Variants in CPQ observed in about 807,000 individuals in gnomAD.
CPQ encodes the protein Ser-Met dipeptidase.
Under a neutral mutation model 45.7 loss-of-function variants are expected in CPQ, and 37 were observed. The ratio of observed to expected loss-of-function variants is 0.81; its 90% CI spans 0.62 to 1.07. CPQ has a LOEUF of 1.07. Among genes scored for constraint, CPQ ranks in the 50% least tolerant of loss-of-function variants. The probability of loss-of-function intolerance (pLI) is 0.00; values close to 1 mark genes in which losing one functional copy is unlikely to be tolerated. For synonymous variants in CPQ, 186 were observed against 205.8 expected (o/e 0.90, Z 0.82); for missense variants, 537 against 572.9 (o/e 0.94, Z 0.64).
chr8:96,799,290 A>G (rs984697237), intron 2 of CPQ, among the ~76,000 whole-genome samples: 2 of 152,242 alleles, frequency 1.3e-5, no homozygotes, highest in African/African-American at 4.8e-5. Context: ...GCCTTCCTGC[A>G]TACTTCAAGC....
intron 7 of CPQ, among the ~76,000 whole-genome samples, chr8:97,134,749 A>G (rs969740596): frequency 1.3e-5 from 2 of 152,144 alleles, no homozygotes; most frequent in Admixed American, 6.5e-5. Context: ...TTTGAATTCT[A>G]TTTCTACCAC....
At chr8:96,948,626 G>A (rs1813219854) in intron 4 of CPQ, among the ~76,000 whole-genome samples, 1 of 152,050 alleles carries the variant, frequency 6.6e-6, no homozygotes, top group Non-Finnish European at 1.5e-5. Flanking sequence ...CCACTGCTGG[G>A]TGAAATGCTC....
intron 1 of CPQ, among the ~76,000 whole-genome samples, chr8:96,742,615 G>T (rs1213343789): frequency 2.6e-5 from 4 of 151,916 alleles, no homozygotes; most frequent in Non-Finnish European, 5.9e-5. Context: ...GGCTGGTACC[G>T]GTTGTTCCTT....
intron 5 of CPQ, among the ~76,000 whole-genome samples, chr8:96,995,479 T>C (rs914513778): frequency 4.6e-5 from 7 of 151,924 alleles, no homozygotes; most frequent in African/African-American, 7.2e-5. Flanking sequence ...AATGGATTGC[T>C]AGAAGAGTAA....
chr8:97,053,652 C>A (rs1810401932), intron 6 of CPQ, among the ~76,000 whole-genome samples: 1 of 152,176 alleles, frequency 6.6e-6, no homozygotes, highest in South Asian at 2.1e-4. Context: ...CAGAGTCAAG[C>A]CCCATGGGCC....
At chr8:96,964,112 G>T (rs1359994152) in intron 4 of CPQ, among the ~76,000 whole-genome samples, 2 of 146,466 alleles carry the variant, frequency 1.4e-5, no homozygotes, top group Non-Finnish European at 3.0e-5. Flanking sequence ...TTTTAGAAGG[G>T]TTAGGCCTAT....
intron 4 of CPQ, among the ~76,000 whole-genome samples, chr8:96,959,117 C>G (rs1283335065): frequency 6.6e-6 from 1 of 152,120 alleles, no homozygotes; most frequent in Non-Finnish European, 1.5e-5. Flanking sequence ...ATTCAGCAAC[C>G]ACCCTCTGAA....
chr8:96,691,424 CA>C (rs1159424254), intron 1 of CPQ, among the ~76,000 whole-genome samples: 8 of 152,082 alleles, frequency 5.3e-5, no homozygotes, highest in African/African-American at 1.9e-4. Context: ...TTATACTCAT[CA>C]AAAGTACTAG....
intron 4 of CPQ, among the ~76,000 whole-genome samples, chr8:96,952,557 A>T (rs946762708): frequency 1.3e-5 from 2 of 152,106 alleles, no homozygotes; most frequent in Non-Finnish European, 2.9e-5. Context: ...ACATCTCCAA[A>T]ATCTAGTGGA....
intron 1 of CPQ, among the ~76,000 whole-genome samples, chr8:96,662,797 G>A (rs1347477844): frequency 6.6e-6 from 1 of 152,070 alleles, no homozygotes; most frequent in Non-Finnish European, 1.5e-5. Flanking sequence ...ACACTAACCT[G>A]GGCAACATGG....
chr8:97,054,527 T>G (rs1563567462), intron 6 of CPQ, among the ~76,000 whole-genome samples: 1 of 152,172 alleles, frequency 6.6e-6, no homozygotes, highest in Non-Finnish European at 1.5e-5. Flanking sequence ...AACCTAACTG[T>G]CCATCAATAG....
intron 7 of CPQ, among the ~76,000 whole-genome samples, chr8:97,085,244 C>T (rs781163709): frequency 2.8e-4 from 43 of 151,938 alleles, no homozygotes; most frequent in Non-Finnish European, 3.7e-4. Flanking sequence ...ATTAGCCAGG[C>T]GCAGTGGTGC....
At chr8:96,946,238 A>G (rs1372787721) in intron 4 of CPQ, among the ~76,000 whole-genome samples, 1 of 152,000 alleles carries the variant, frequency 6.6e-6, no homozygotes, top group Non-Finnish European at 1.5e-5. Context: ...ATTCCATAGG[A>G]CTTCTAAAAC....
At chr8:96,941,969 G>T (rs1813128245) in intron 4 of CPQ, among the ~76,000 whole-genome samples, 1 of 152,242 alleles carries the variant, frequency 6.6e-6, no homozygotes, top group Admixed American at 6.5e-5. Context: ...AAGGTGTTTA[G>T]CCATTCAAGC....
chr8:97,010,517 G>A (rs755322079), intron 5 of CPQ, among the ~76,000 whole-genome samples: 4 of 152,094 alleles, frequency 2.6e-5, no homozygotes, highest in African/African-American at 4.8e-5. Context: ...TTAGCACAGC[G>A]TCTGGCATAG....
chr8:97,005,465 G>A (rs1809366347), intron 5 of CPQ, among the ~76,000 whole-genome samples: 1 of 151,954 alleles, frequency 6.6e-6, no homozygotes, highest in Admixed American at 6.5e-5. Flanking sequence ...ACTTTGGGAG[G>A]CTGAGGTGGG....
In CPQ at chr8:96,890,874, C is replaced by T. The variant is rs561669655; in HGVS notation, c.849+10869C>T. On this transcript the variant is annotated intron_variant, in intron 4 of 7. Transcript: ENST00000220763. ...TGGTGAGTGATGCCACTTCCATTTCCACCCCTTGTTTTTTGGACCTGTGAA... is the reference window on the plus strand; with the variant it reads ...TGGTGAGTGATGCCACTTCCATTTCTACCCCTTGTTTTTTGGACCTGTGAA... Among the ~76,000 whole-genome samples the T allele has an allele frequency of 3.9e-5, 6 of 152,218 alleles. No individual in the cohort carries two copies. The South Asian group carries it at 1.2e-3, about 32-fold the overall frequency.
intron 7 of CPQ, among the ~76,000 whole-genome samples, chr8:97,108,254 C>CAG (rs1457232288): frequency 6.6e-6 from 1 of 152,184 alleles, no homozygotes; most frequent in Non-Finnish European, 1.5e-5. Flanking sequence ...AACTGAGGCA[C>CAG]AGAGAGACAA....
chr8:96,918,857 C>T (rs768698772), intron 4 of CPQ, among the ~76,000 whole-genome samples: 4 of 152,120 alleles, frequency 2.6e-5, no homozygotes, highest in Middle Eastern at 3.4e-3. Context: ...GGCTTAGGGA[C>T]CTAAGGGTGT....
Sources: allele counts gnomAD v4.1 joint callset (sites outside exome capture counted in the v4.1 genomes callset), GRCh38; gene constraint gnomAD v4.1.1; transcripts MANE v1.5; gene names NCBI Gene and HGNC (gene_info 2026-07-23, HGNC 2026-07-21).